The following PTPRD variants were observed in gnomAD, a reference collection of about 807,000 sequenced individuals.
PTPRD encodes receptor-type tyrosine-protein phosphatase delta.
PTPRD carries 34 observed loss-of-function variants against 214.5 expected under a neutral mutation model. That is an observed-to-expected ratio of 0.16 (90% CI 0.12 to 0.21). PTPRD has a LOEUF of 0.21. Among genes scored for constraint, PTPRD ranks in the 10% least tolerant of loss-of-function variants. The pLI is 1.00. For synonymous variants in PTPRD, 1,128 were observed against 845.7 expected (o/e 1.33, Z -5.79); for missense variants, 2,545 against 2,398.7 (o/e 1.06, Z -1.27).
At chr9:9,121,856 T>TA (rs201608000) in intron 10 of PTPRD, among the ~76,000 whole-genome samples, 317 of 152,274 alleles carry the variant, frequency 2.1e-3, no homozygotes, top group African/African-American at 6.7e-3. Flanking sequence ...TCCATTCTTG[T>TA]AAAAAAACTT....
intron 14 of PTPRD, among the ~76,000 whole-genome samples, chr9:8,596,249 G>A (rs1454923731): frequency 6.6e-6 from 1 of 151,240 alleles, no homozygotes; most frequent in Non-Finnish European, 1.5e-5. Context: ...TAAAATATAT[G>A]GATTTTATGG....
intron 4 of PTPRD, among the ~76,000 whole-genome samples, chr9:9,993,726 G>A (rs192264741): frequency 8.7e-4 from 132 of 152,206 alleles, no homozygotes; most frequent in Non-Finnish European, 1.6e-3. Context: ...AATTACATGC[G>A]TCTGGTCACT....
chr9:10,157,182 G>C (rs1464312328), intron 3 of PTPRD, among the ~76,000 whole-genome samples: 3 of 152,160 alleles, frequency 2.0e-5, no homozygotes, highest in Admixed American at 6.5e-5. Context: ...CATGACATCA[G>C]CTGGCTGTTA....
intron 4 of PTPRD, among the ~76,000 whole-genome samples, chr9:10,024,073 T>C (rs1313167948): frequency 6.6e-6 from 1 of 152,168 alleles, no homozygotes; most frequent in Non-Finnish European, 1.5e-5. Context: ...TTTTTAGATA[T>C]ATTTCCAAAT....
At chr9:10,419,567 C>G (rs991539945) in intron 2 of PTPRD, among the ~76,000 whole-genome samples, 7 of 151,736 alleles carry the variant, frequency 4.6e-5, no homozygotes, top group African/African-American at 1.7e-4. Context: ...TCAGAATATA[C>G]ATGATATACT....
chr9:9,519,236 C>T (rs1371534619), intron 8 of PTPRD, among the ~76,000 whole-genome samples: 3 of 151,204 alleles, frequency 2.0e-5, no homozygotes, highest in South Asian at 2.1e-4. Flanking sequence ...TTAATGCATA[C>T]CTAGGAAAAA....
intron 3 of PTPRD, among the ~76,000 whole-genome samples, chr9:10,147,334 T>C (rs1420760746): frequency 1.3e-5 from 2 of 152,106 alleles, no homozygotes; most frequent in East Asian, 3.9e-4. Context: ...TACATATGTA[T>C]ACATGTGCCA....
At chr9:8,474,378 G>A (rs552425428) in intron 30 of PTPRD, among the ~76,000 whole-genome samples, 40 of 151,906 alleles carry the variant, frequency 2.6e-4, no homozygotes, top group African/African-American at 9.2e-4. Flanking sequence ...ACCTTCATAG[G>A]TCGGGCCCAC....
chr9:9,507,989 G>C (rs537734066), intron 8 of PTPRD, among the ~76,000 whole-genome samples: 1 of 151,474 alleles, frequency 6.6e-6, no homozygotes, highest in African/African-American at 2.4e-5. Flanking sequence ...TGTATCAATA[G>C]CCTAATGCTT....
At chr9:8,932,771 G>T (rs960269702) in intron 11 of PTPRD, among the ~76,000 whole-genome samples, 1 of 152,188 alleles carries the variant, frequency 6.6e-6, no homozygotes, top group African/African-American at 2.4e-5. Context: ...TGCTGGCAGA[G>T]AGAATTTCAA....
intron 8 of PTPRD, among the ~76,000 whole-genome samples, chr9:9,558,045 T>G (rs1241127136): frequency 6.6e-6 from 1 of 152,164 alleles, no homozygotes; most frequent in Non-Finnish European, 1.5e-5. Flanking sequence ...AGCTTAACTC[T>G]TTCTTTCTCT....
intron 10 of PTPRD, among the ~76,000 whole-genome samples, chr9:9,029,345 G>A (rs1044726822): frequency 2.0e-5 from 3 of 151,844 alleles, no homozygotes; most frequent in Non-Finnish European, 4.4e-5. Context: ...AAAAAGTGCT[G>A]ATTGGTTAGG....
intron 3 of PTPRD, among the ~76,000 whole-genome samples, chr9:10,309,579 G>C (rs999985593): frequency 2.7e-5 from 4 of 150,004 alleles, no homozygotes; most frequent in Non-Finnish European, 4.4e-5. Context: ...TGGTCAGGCT[G>C]GTTTCAAACT....
intron 7 of PTPRD, among the ~76,000 whole-genome samples, chr9:9,688,145 G>A (rs2097198507): frequency 6.6e-6 from 1 of 151,848 alleles, no homozygotes. Context: ...GGAATTGTGA[G>A]TCAATTAAAC....
chr9:8,556,913 C>A (rs2083975544), intron 14 of PTPRD, among the ~76,000 whole-genome samples: 1 of 152,070 alleles, frequency 6.6e-6, no homozygotes, highest in Admixed American at 6.5e-5. Context: ...ATAAAAGGTC[C>A]CGAGTTGACC....
chr9:10,335,824 C>T (rs558494345), intron 3 of PTPRD, among the ~76,000 whole-genome samples: 139 of 151,794 alleles, frequency 9.2e-4, no homozygotes, highest in African/African-American at 3.2e-3. Context: ...ATACACACGG[C>T]AAATAAGCAT....
chr9:8,636,843 T>G lies in PTPRD; in HGVS notation c.66A>C (p.Thr22=), dbSNP rs185931022. The G allele has an allele frequency of 6.2e-7, 1 of 1,610,088 alleles. No homozygotes were observed. The highest frequency in any genetic ancestry group is 1.1e-5 in the South Asian group (1 of 90,768). ...CGGGTGTTCGTGTAAACCTTGGAGG[T>G]GCTGAAATAAAAAATAAACATCACA... The part of the protein sequence containing the change: ...LTFFLRTDAE[T]PPRFTRTPVD... The change falls in exon 13 of 46, where the codon ACA becomes ACC. Residue 22 remains threonine (T), a splice_region_variant and synonymous_variant. Transcript: ENST00000381196.
At chr9:9,555,584 T>G (rs1172942683) in intron 8 of PTPRD, among the ~76,000 whole-genome samples, 1 of 152,144 alleles carries the variant, frequency 6.6e-6, no homozygotes, top group Non-Finnish European at 1.5e-5. Flanking sequence ...GGAAAGCATC[T>G]TAACTGATTT....
At chr9:9,088,391 CCAA>C (rs955727558) in intron 10 of PTPRD, among the ~76,000 whole-genome samples, 4 of 151,214 alleles carry the variant, frequency 2.6e-5, no homozygotes, top group Admixed American at 1.3e-4. Flanking sequence ...ACTAGCCTGA[CCAA>C]CATGGTGAAA....
Sources: allele counts gnomAD v4.1 joint callset (sites outside exome capture counted in the v4.1 genomes callset), GRCh38; gene constraint gnomAD v4.1.1; transcripts MANE v1.5; gene names NCBI Gene and HGNC (gene_info 2026-07-23, HGNC 2026-07-21).